Variants in DENND1A observed in about 807,000 individuals in gnomAD.
DENND1A encodes DENN domain-containing protein 1A.
Under a neutral mutation model 113.7 loss-of-function variants are expected in DENND1A, and 51 were observed. That is an observed-to-expected ratio of 0.45 (90% CI 0.36 to 0.57). The LOEUF is 0.57. DENND1A is among the 20% of genes least tolerant of loss of function. The pLI, the probability that DENND1A is intolerant of heterozygous loss-of-function variation, is 0.00. For missense variants in DENND1A, 1,258 were observed against 1,395.9 expected (o/e 0.90, Z 1.57); for synonymous variants, 565 against 570.8 (o/e 0.99, Z 0.14).
At chr9:123,620,213 CAAAAAAAA>C (rs34196587) in intron 10 of DENND1A, among the ~76,000 whole-genome samples, 2 of 59,052 alleles carry the variant, frequency 3.4e-5, no homozygotes, top group African/African-American at 1.1e-4. Context: ...GACTCCATCT[CAAAAAAAA>C]AAAAAAAAAA....
chr9:123,914,587 G>C (rs937209735), intron 1 of DENND1A, among the ~76,000 whole-genome samples: 2 of 149,848 alleles, frequency 1.3e-5, no homozygotes, highest in African/African-American at 4.9e-5. Flanking sequence ...CTGGGTAATT[G>C]ATAAAGAAAA....
intron 1 of DENND1A, among the ~76,000 whole-genome samples, chr9:123,906,084 G>A (rs1852763190): frequency 6.6e-6 from 1 of 151,992 alleles, no homozygotes; most frequent in African/African-American, 2.4e-5. Context: ...CATGGAAACT[G>A]AACAACCTGC....
chr9:123,587,821 G>A (rs1310910829), intron 11 of DENND1A, among the ~76,000 whole-genome samples: 1 of 151,912 alleles, frequency 6.6e-6, no homozygotes, highest in Non-Finnish European at 1.5e-5. Flanking sequence ...AGTTTCAGGG[G>A]GTCTCCCTAA....
intron 2 of DENND1A, among the ~76,000 whole-genome samples, chr9:123,845,667 C>A (rs1842487108): frequency 2.7e-5 from 2 of 74,110 alleles, no homozygotes; most frequent in East Asian, 3.3e-4. Flanking sequence ...GAGAACCTGT[C>A]TCCAAAAAAA....
At chr9:123,873,585 T>G (rs145370859) in intron 2 of DENND1A, among the ~76,000 whole-genome samples, 1 of 152,348 alleles carries the variant, frequency 6.6e-6, no homozygotes, top group East Asian at 1.9e-4. Context: ...AGTACAGACA[T>G]AGCATATTGT....
At chr9:123,658,183 C>A (rs2063059368) in intron 8 of DENND1A, among the ~76,000 whole-genome samples, 1 of 152,108 alleles carries the variant, frequency 6.6e-6, no homozygotes. Flanking sequence ...TTCCTCGCAT[C>A]ATTAACCACT....
At chr9:123,397,031 C>T (rs2043172412) in intron 21 of DENND1A, among the ~76,000 whole-genome samples, 2 of 152,208 alleles carry the variant, frequency 1.3e-5, no homozygotes, top group African/African-American at 2.4e-5. Context: ...CTCTTGAAGT[C>T]TCAGCTATTT....
chr9:123,657,281 C>G (rs184823988), intron 8 of DENND1A, among the ~76,000 whole-genome samples: 1 of 152,232 alleles, frequency 6.6e-6, no homozygotes, highest in East Asian at 1.9e-4. Context: ...CCAGGAGAAG[C>G]CTTATAATGG....
chr9:123,542,021 TCTAC>T (rs573920675), intron 13 of DENND1A, among the ~76,000 whole-genome samples: 33 of 152,342 alleles, frequency 2.2e-4, no homozygotes, highest in African/African-American at 6.5e-4. Context: ...CAAGCTTTCC[TCTAC>T]CTGTGTGCCT....
At chr9:123,410,642 T>C (rs979557815) in intron 20 of DENND1A, among the ~76,000 whole-genome samples, 6 of 152,200 alleles carry the variant, frequency 3.9e-5, no homozygotes, top group Non-Finnish European at 7.3e-5. Context: ...AGAGAGCAGC[T>C]ACCCAGTGGA....
intron 19 of DENND1A, among the ~76,000 whole-genome samples, chr9:123,434,293 C>T (rs190017982): frequency 5.5e-4 from 84 of 152,326 alleles, no homozygotes; most frequent in African/African-American, 1.9e-3. Flanking sequence ...TCCCACAGTG[C>T]TGGGATTACA....
chr9:123,410,947 C>T (rs1421007609), intron 20 of DENND1A, among the ~76,000 whole-genome samples: 1 of 152,166 alleles, frequency 6.6e-6, no homozygotes, highest in Non-Finnish European at 1.5e-5. Flanking sequence ...GTCTGACCTA[C>T]CAAGGAAAAC....
rs748584342 is a variant in DENND1A at position 123,485,644 on chromosome 9, ACGCGCGCGCG to A, written c.994-27757_994-27748del. ...CGTGTGTGTGTGTGCGCGTACACAC[ACGCGCGCGCG>A]CGCACACACACACACACACACACAC... On this transcript the variant is annotated intron_variant, in intron 13 of 23. Transcript: ENST00000394215. 2.3e-3 allele frequency: 149 copies of A among 64,464 alleles called. 1 individual carries two copies. Among genetic ancestry groups the A allele is most frequent in the African/African-American group, 6.0e-3 (132 of 22,132 alleles). 4.0% of individuals were successfully genotyped at this position (64,464 alleles called of 1,614,324 possible).
chr9:123,446,428 C>T (rs1308343864), intron 18 of DENND1A, among the ~76,000 whole-genome samples: 2 of 152,194 alleles, frequency 1.3e-5, no homozygotes, highest in Admixed American at 1.3e-4. Context: ...CGGCCCCACG[C>T]ATGCTTACTC....
At chr9:123,472,920 G>C (rs2049562693) in intron 13 of DENND1A, among the ~76,000 whole-genome samples, 1 of 152,196 alleles carries the variant, frequency 6.6e-6, no homozygotes. Flanking sequence ...CACCCTTGGA[G>C]GATTAACCCA....
At chr9:123,445,868 AAAAC>A (rs1404135499) in intron 18 of DENND1A, among the ~76,000 whole-genome samples, 2 of 152,228 alleles carry the variant, frequency 1.3e-5, no homozygotes, top group East Asian at 1.9e-4. Flanking sequence ...CGCCATCTCA[AAAAC>A]AAACAAACAA....
At chr9:123,740,899 T>TGAGAGAGAGAGAGAGAGAGAGAGAGAGA (rs56006420) in intron 5 of DENND1A, among the ~76,000 whole-genome samples, 23 of 108,934 alleles carry the variant, frequency 2.1e-4, no homozygotes, top group African/African-American at 7.4e-4. Context: ...GAAGGGAAAG[T>TGAGAGAGAGAGAGAGAGAGAGAGAGAGA]GAGAGAGAGA....
At chr9:123,787,075 A>T (rs1832298002) in intron 3 of DENND1A, among the ~76,000 whole-genome samples, 1 of 152,202 alleles carries the variant, frequency 6.6e-6, no homozygotes, top group Admixed American at 6.5e-5. Flanking sequence ...GGTTTAAACA[A>T]GCCACTGTCG....
At chr9:123,689,688 G>A (rs1294947719) in intron 5 of DENND1A, among the ~76,000 whole-genome samples, 2 of 152,112 alleles carry the variant, frequency 1.3e-5, no homozygotes, top group South Asian at 2.1e-4. Context: ...TGAAAAGAAT[G>A]GCCAGGTGTG....
Sources: allele counts gnomAD v4.1 joint callset (sites outside exome capture counted in the v4.1 genomes callset), GRCh38; gene constraint gnomAD v4.1.1; transcripts MANE v1.5; gene names NCBI Gene and HGNC (gene_info 2026-07-23, HGNC 2026-07-21).